The following TMEM132C variants were observed in gnomAD, a reference collection of about 807,000 sequenced individuals.
TMEM132C encodes protein phosphatase 1, regulatory subunit 152.
Under a neutral mutation model 61.4 loss-of-function variants are expected in TMEM132C, and 29 were observed. The ratio of observed to expected loss-of-function variants is 0.47; its 90% confidence interval spans 0.35 to 0.64. The LOEUF is 0.64. Ranked by LOEUF, TMEM132C falls within the 30% of genes least tolerant of loss-of-function variation. TMEM132C has a pLI of 0.00. For synonymous variants in TMEM132C, 656 were observed against 633.1 expected, an observed-to-expected ratio of 1.04 and a Z score of -0.54; for missense variants, 1,408 against 1,476.9, an observed-to-expected ratio of 0.95 and a Z score of 0.76.
At chr12:128,490,635 C>T (rs73159878) in intron 2 of TMEM132C, among the ~76,000 whole-genome samples, 79 of 152,238 alleles carry the variant, frequency 5.2e-4, no homozygotes, top group Non-Finnish European at 1.0e-3. Context: ...GTTGGCATAC[C>T]CACTGATCAA....
chr12:128,433,475 G>T (rs1869467571), intron 2 of TMEM132C, among the ~76,000 whole-genome samples: 1 of 152,060 alleles, frequency 6.6e-6, no homozygotes, highest in Non-Finnish European at 1.5e-5. Context: ...TAAACTTTAA[G>T]AAAAAAATTA....
At chr12:128,393,144 T>C (rs1713601) in intron 1 of TMEM132C, among the ~76,000 whole-genome samples, 97,357 of 152,134 alleles carry the variant, frequency 0.64, 31,812 homozygotes, top group African/African-American at 0.77. Flanking sequence ...TATTGACCCC[T>C]ACTTGTTCTA....
At chr12:128,557,397 C>G (rs972654615) in intron 3 of TMEM132C, among the ~76,000 whole-genome samples, 2 of 152,224 alleles carry the variant, frequency 1.3e-5, no homozygotes, top group Admixed American at 6.5e-5. Context: ...TAACAAGTCT[C>G]TCAAGCTCTT....
intron 2 of TMEM132C, among the ~76,000 whole-genome samples, chr12:128,505,667 G>A (rs1036327899): frequency 6.6e-6 from 1 of 152,212 alleles, no homozygotes; most frequent in African/African-American, 2.4e-5. Context: ...TTATTAAAAA[G>A]TATAATCAAT....
chr12:128,635,462 C>CTTTTTTTTTTTTTTTTTTTTTTTT (rs372811916), intron 4 of TMEM132C, among the ~76,000 whole-genome samples: 5 of 130,440 alleles, frequency 3.8e-5, no homozygotes, highest in Non-Finnish European at 8.3e-5. Flanking sequence ...TGAGTTTTTT[C>CTTTTTTTTTTTTTTTTTTTTTTTT]TTTTTTTTTT....
At chr12:128,566,189 CAA>C (rs59258589) in intron 3 of TMEM132C, among the ~76,000 whole-genome samples, 25 of 67,758 alleles carry the variant, frequency 3.7e-4, no homozygotes, top group Admixed American at 9.8e-4. Context: ...CAAGCCTAAC[CAA>C]AAAAAAAAAA....
At chr12:128,402,682 G>T (rs1024371283) in intron 1 of TMEM132C, among the ~76,000 whole-genome samples, 1 of 152,330 alleles carries the variant, frequency 6.6e-6, no homozygotes, top group Non-Finnish European at 1.5e-5. Flanking sequence ...GGCAGGTGGA[G>T]GATGTGGAGG....
At chr12:128,607,775 C>T (rs558720418) in intron 3 of TMEM132C, among the ~76,000 whole-genome samples, 2 of 152,296 alleles carry the variant, frequency 1.3e-5, no homozygotes, top group Non-Finnish European at 2.9e-5. Context: ...GTTAGGTATG[C>T]ACATTTCTCT....
rs35003496 is a variant in TMEM132C at position 128,278,750 on chromosome 12, ATGTGTGTGTGTGTGTGTG to A, written c.85+11283_85+11300del. 7.3e-6 allele frequency among the ~76,000 whole-genome samples: 1 copy of A among 136,966 alleles called. No individual in the cohort carries two copies. Among genetic ancestry groups the A allele is most frequent in the Non-Finnish European group, 1.6e-5 (1 of 61,358 alleles). 89.9% of individuals were successfully genotyped at this position (136,966 alleles called of 152,430 possible). A position where few individuals can be genotyped will look rare whatever the true frequency, so the allele number is the denominator to read the frequency against. On this transcript the variant is annotated intron_variant, in intron 1 of 8. Coordinates refer to ENST00000435159, the MANE Select transcript of TMEM132C (RefSeq NM_001136103.3). The surrounding 1 kb of genome is among the most constrained non-coding windows in gnomAD (Gnocchi z 4.2). ...TGTGCAGACTTGATTCTATACGTGT[ATGTGTGTGTGTGTGTGTG>A]TGTGTGTGTGTGTGTGTGTTTGGGT...
At chr12:128,410,785 A>G (rs1267636379) in intron 1 of TMEM132C, among the ~76,000 whole-genome samples, 1 of 152,210 alleles carries the variant, frequency 6.6e-6, no homozygotes, top group Admixed American at 6.5e-5. Context: ...TAACATTGAT[A>G]CAAAATTATT....
chr12:128,270,842 A>G (rs1256334354), intron 1 of TMEM132C, among the ~76,000 whole-genome samples: 1 of 152,192 alleles, frequency 6.6e-6, no homozygotes, highest in East Asian at 1.9e-4. Context: ...AATGTGTCCT[A>G]TTATAGTTCT....
intron 1 of TMEM132C, among the ~76,000 whole-genome samples, chr12:128,362,909 T>C (rs1873750445): frequency 6.6e-6 from 1 of 152,168 alleles, no homozygotes; most frequent in African/African-American, 2.4e-5. Flanking sequence ...TATGGCAAAG[T>C]GAACGTCTAG....
Position 128,518,682 on chromosome 12 carries a change from C to T in TMEM132C, c.975-25275C>T, listed in dbSNP as rs577830520. Among the ~76,000 whole-genome samples, 14 of 152,268 alleles carry T rather than the reference C, an allele frequency of 9.2e-5. No homozygotes were observed. In the East Asian group the frequency reaches 1.3e-3, roughly 15 times the overall value. On this transcript the variant is annotated intron_variant, in intron 2 of 8. Coordinates refer to ENST00000435159, the MANE Select transcript of TMEM132C (RefSeq NM_001136103.3). ...GATCTTCAGCTTCAATCTAAACCGC[C>T]TACCCTATCCCCTTGAATTATCTAT...
chr12:128,539,847 G>A (rs1268557316), intron 2 of TMEM132C, among the ~76,000 whole-genome samples: 1 of 152,064 alleles, frequency 6.6e-6, no homozygotes, highest in Non-Finnish European at 1.5e-5. Context: ...TGATCACGTG[G>A]CCTGGTGTGT....
intron 1 of TMEM132C, among the ~76,000 whole-genome samples, chr12:128,325,082 T>C (rs1349757648): frequency 6.6e-6 from 1 of 152,162 alleles, no homozygotes; most frequent in Non-Finnish European, 1.5e-5. Context: ...CTTGAAGGCC[T>C]GATACTCTGC....
intron 5 of TMEM132C, among the ~76,000 whole-genome samples, chr12:128,675,838 AAGATAGATAGATAGAT>A (rs369218169): frequency 4.2e-5 from 6 of 143,018 alleles, no homozygotes; most frequent in African/African-American, 8.3e-5. Context: ...AGATAGATAG[AAGATAGATAGATAGAT>A]AGATAGATAG....
chr12:128,295,399 T>A (rs560808105), intron 1 of TMEM132C, among the ~76,000 whole-genome samples: 73 of 152,216 alleles, frequency 4.8e-4, no homozygotes, highest in African/African-American at 1.7e-3. Flanking sequence ...CATCATTCCC[T>A]CTCAGCCTCA....
At chr12:128,612,042 A>C (rs1221367691) in intron 3 of TMEM132C, among the ~76,000 whole-genome samples, 1 of 152,348 alleles carries the variant, frequency 6.6e-6, no homozygotes, top group Non-Finnish European at 1.5e-5. Context: ...AAGGGGTAGG[A>C]AAGAATATGA....
Position 128,581,436 on chromosome 12 carries a change from G to A in TMEM132C, c.1122-34716G>A, listed in dbSNP as rs540016461. Reference sequence around the variant, plus strand: ...AGGGGAAACACCCTTTATTGCATCTGCAAAGGACACATTCCATCTGTGGGT... The same window carrying A: ...AGGGGAAACACCCTTTATTGCATCTACAAAGGACACATTCCATCTGTGGGT... On this transcript the variant is annotated intron_variant, in intron 3 of 8. Coordinates refer to ENST00000435159, the MANE Select transcript of TMEM132C (RefSeq NM_001136103.3). Among the ~76,000 whole-genome samples, 14 of 152,304 alleles carry A rather than the reference G, an allele frequency of 9.2e-5. No homozygotes were observed. In the South Asian group the frequency reaches 2.7e-3, roughly 29 times the overall value.
Sources: allele counts gnomAD v4.1 joint callset (sites outside exome capture counted in the v4.1 genomes callset), GRCh38; gene constraint gnomAD v4.1.1; non-coding constraint Gnocchi (gnomAD v3.1); transcripts MANE v1.5; gene names NCBI Gene and HGNC (gene_info 2026-07-23, HGNC 2026-07-21).